Variants in EPB41L2 observed in about 807,000 individuals in gnomAD.
EPB41L2 encodes the protein erythrocyte membrane protein band 4.1 like 2, also known as band 4.1-like protein 2.
Under a neutral mutation model 113.0 loss-of-function variants are expected in EPB41L2, and 43 were observed. That is an observed-to-expected ratio of 0.38 (90% confidence interval 0.30 to 0.49). The LOEUF (loss-of-function observed/expected upper bound fraction) is 0.49. EPB41L2 is among the 20% of genes least tolerant of loss of function. The pLI is 0.95. For synonymous variants in EPB41L2, 442 were observed against 436.7 expected, an observed-to-expected ratio of 1.01 and a Z score of -0.15; for missense variants, 1,147 against 1,223.4, an observed-to-expected ratio of 0.94 and a Z score of 0.93.
rs144189919 is a variant in EPB41L2 at position 130,941,721 on chromosome 6, T to C, written c.705+13384A>G. On this transcript the variant is annotated intron_variant, in intron 3 of 19. Coordinates refer to ENST00000337057, the MANE Select transcript of EPB41L2 (RefSeq NM_001431.4). ...TTCCTCTCTGTGCAAATAACCAGAC[T>C]GATGCACAAAATCAGGCTTAATCTC... Among the ~76,000 whole-genome samples the C allele has an allele frequency of 8.1e-3, 1,233 of 152,304 alleles. 13 individuals are homozygous for C. The highest frequency in any genetic ancestry group is 0.028 in the African/African-American group (1,162 of 41,562).
intron 1 of EPB41L2, among the ~76,000 whole-genome samples, chr6:130,985,191 T>C (rs567373115): frequency 5.3e-5 from 8 of 152,318 alleles, no homozygotes; most frequent in African/African-American, 1.9e-4. Context: ...TGATTCTTTC[T>C]GAATAATGCT....
intron 12 of EPB41L2, chr6:130,881,847 C>A (rs943825697): frequency 6.6e-6 from 1 of 151,964 alleles, no homozygotes; most frequent in Non-Finnish European, 1.5e-5. Context: ...TTATAAAATA[C>A]CCTATAGTGA....
At chr6:130,988,676 A>G (rs1037674388) in intron 1 of EPB41L2, among the ~76,000 whole-genome samples, 2 of 152,216 alleles carry the variant, frequency 1.3e-5, no homozygotes, top group African/African-American at 4.8e-5. Context: ...TTAAGAAGGT[A>G]CAGTCATCTC....
intron 1 of EPB41L2, chr6:131,062,535 CGCGGACGCGAGCCTACA>C (rs1028454652): frequency 5.2e-4 from 79 of 151,614 alleles, no homozygotes; most frequent in Non-Finnish European, 4.7e-4. Context: ...CAGCTGGGGG[CGCGGACGCGAGCCTACA>C]GCGGGCCCGA....
intron 19 of EPB41L2, among the ~76,000 whole-genome samples, chr6:130,841,134 C>A (rs1438099968): frequency 1.3e-5 from 2 of 148,676 alleles, no homozygotes; most frequent in Non-Finnish European, 3.0e-5. Context: ...TAAAGTTGAG[C>A]ATTGGTATAG....
chr6:130,992,717 G>A (rs746906755), intron 1 of EPB41L2, among the ~76,000 whole-genome samples: 14 of 151,086 alleles, frequency 9.3e-5, no homozygotes, highest in Non-Finnish European at 1.8e-4. Flanking sequence ...TGCAACCTAC[G>A]CCTCCCAGGT....
chr6:130,896,986 T>C (rs892190915), intron 8 of EPB41L2, among the ~76,000 whole-genome samples: 2 of 152,110 alleles, frequency 1.3e-5, no homozygotes, highest in African/African-American at 2.4e-5. Context: ...CCTCTGACAA[T>C]GGCTCCCCAC....
At chr6:130,940,832 A>T (rs1187881313) in intron 3 of EPB41L2, among the ~76,000 whole-genome samples, 1 of 152,190 alleles carries the variant, frequency 6.6e-6, no homozygotes, top group Non-Finnish European at 1.5e-5. Context: ...TACCGACTCC[A>T]GCCTATAGTA....
intron 3 of EPB41L2, among the ~76,000 whole-genome samples, chr6:130,941,895 A>C (rs1360033564): frequency 6.6e-6 from 1 of 152,208 alleles, no homozygotes; most frequent in Non-Finnish European, 1.5e-5. Flanking sequence ...ACTCCTAATC[A>C]TAATTTTTCT....
chr6:130,938,859 G>A (rs941199553), intron 3 of EPB41L2, among the ~76,000 whole-genome samples: 3 of 152,112 alleles, frequency 2.0e-5, no homozygotes, highest in Non-Finnish European at 4.4e-5. Flanking sequence ...CTGTTACTTA[G>A]CTGCTTATCT....
intron 1 of EPB41L2, among the ~76,000 whole-genome samples, chr6:130,957,368 C>T (rs770305722): frequency 1.2e-4 from 18 of 152,150 alleles, no homozygotes; most frequent in Non-Finnish European, 2.1e-4. Flanking sequence ...TGTTACAGCA[C>T]GCTGACATAA....
At chr6:130,880,526 G>T in intron 12 of EPB41L2, 1 of 622,130 alleles carries the variant, frequency 1.6e-6, no homozygotes, top group Non-Finnish European at 2.8e-6. Flanking sequence ...GAAAGAAGGG[G>T]AGTATTAGTG....
intron 1 of EPB41L2, among the ~76,000 whole-genome samples, chr6:131,054,950 T>C (rs1180678082): frequency 6.6e-6 from 1 of 152,232 alleles, no homozygotes; most frequent in East Asian, 1.9e-4. Context: ...CAAGAAACAC[T>C]GTGCTTTGGG....
At chr6:130,884,644 A>C (rs1790359059) in intron 12 of EPB41L2, among the ~76,000 whole-genome samples, 1 of 152,220 alleles carries the variant, frequency 6.6e-6, no homozygotes, top group African/African-American at 2.4e-5. Context: ...TTCACAAAAC[A>C]ATTACCTTTT....
Position 130,892,451 on chromosome 6 carries a change from C to G in EPB41L2, c.1487+1893G>C, listed in dbSNP as rs1476092239. Among the ~76,000 whole-genome samples the G allele has an allele frequency of 6.8e-5, 8 of 118,306 alleles. No homozygotes were observed. In the East Asian group the frequency reaches 1.7e-3, roughly 26 times the overall value. The allele number at this position is 118,306 out of a possible 152,430, so 77.6% of individuals were successfully genotyped here. ...ATTATGTGACAGGGAAAGCTGTTGT[C>G]TGCCCAGCTTGGACCTGTGTCATAA... On this transcript the variant is annotated intron_variant, in intron 10 of 19. Transcript: ENST00000337057.
intron 1 of EPB41L2, among the ~76,000 whole-genome samples, chr6:131,060,157 G>A (rs367976084): frequency 2.6e-5 from 4 of 152,162 alleles, no homozygotes; most frequent in Non-Finnish European, 4.4e-5. Flanking sequence ...CACCATGCCC[G>A]GCTAATTTTT....
intron 1 of EPB41L2, among the ~76,000 whole-genome samples, chr6:131,057,397 T>C (rs79475277): frequency 0.053 from 8,056 of 152,194 alleles, 314 homozygotes; most frequent in East Asian, 0.12. Flanking sequence ...GGTAAATGAA[T>C]CTAGGGTGAA....
intron 1 of EPB41L2, among the ~76,000 whole-genome samples, chr6:130,967,313 A>G (rs1376225319): frequency 6.6e-6 from 1 of 152,044 alleles, no homozygotes; most frequent in Non-Finnish European, 1.5e-5. Context: ...AAAAAAACTC[A>G]CATATAAGTG....
intron 1 of EPB41L2, among the ~76,000 whole-genome samples, chr6:131,058,650 ATT>A (rs1287848339): frequency 6.6e-6 from 1 of 152,238 alleles, no homozygotes; most frequent in East Asian, 1.9e-4. Flanking sequence ...TACCTATAAT[ATT>A]CCCTCTCTCA....
Sources: gnomAD v4.1 joint callset for allele counts (sites outside exome capture counted in the v4.1 genomes callset) on GRCh38, gnomAD v4.1.1 for gene constraint, MANE v1.5 for transcripts, NCBI Gene and HGNC (gene_info 2026-07-23, HGNC 2026-07-21) for gene names.